EYS: variants seen among roughly 807,000 people sequenced by gnomAD.
EYS encodes EGF-like photoreceptor maintenance factor.
Under a neutral mutation model 282.1 loss-of-function variants are expected in EYS, and 250 were observed. The observed-to-expected ratio is 0.89, with a 90% CI of 0.80 to 0.98. EYS has a LOEUF of 0.98. EYS is among the 50% of genes least tolerant of loss of function. The pLI, the probability that EYS is intolerant of heterozygous loss-of-function variation, is 0.00. For missense variants in EYS, 4,016 were observed against 3,709.0 expected (o/e 1.08, Z -2.15); for synonymous variants, 1,355 against 1,282.9 (o/e 1.06, Z -1.20).
chr6:64,487,042 T>C (rs1271238692), intron 26 of EYS, among the ~76,000 whole-genome samples: 3 of 151,276 alleles, frequency 2.0e-5, no homozygotes, highest in Non-Finnish European at 4.4e-5. Context: ...ACCATCATTA[T>C]AGTACAGGTA....
chr6:64,955,804 T>C (rs2150102561), intron 14 of EYS, among the ~76,000 whole-genome samples: 1 of 152,318 alleles, frequency 6.6e-6, no homozygotes, highest in South Asian at 2.1e-4. Context: ...AAGGCTTTCT[T>C]ATTTTTCCCC....
intron 26 of EYS, among the ~76,000 whole-genome samples, chr6:64,580,447 G>C (rs1438952951): frequency 6.6e-6 from 1 of 152,060 alleles, no homozygotes; most frequent in African/African-American, 2.4e-5. Context: ...CTGATAGACT[G>C]GGCAATAAAG....
intron 36 of EYS, among the ~76,000 whole-genome samples, chr6:63,842,693 C>T (rs1356211452): frequency 6.6e-6 from 1 of 152,110 alleles, no homozygotes; most frequent in East Asian, 1.9e-4. Context: ...ATGCCTATGT[C>T]CTGAATGGTA....
intron 19 of EYS, among the ~76,000 whole-genome samples, chr6:64,844,058 T>A (rs941368151): frequency 6.6e-6 from 1 of 152,048 alleles, no homozygotes; most frequent in Non-Finnish European, 1.5e-5. Context: ...ATGTAAGAGG[T>A]GCCTTTCACC....
At chr6:65,580,595 TG>T (rs1397950443) in intron 2 of EYS, among the ~76,000 whole-genome samples, 1 of 152,088 alleles carries the variant, frequency 6.6e-6, no homozygotes, top group African/African-American at 2.4e-5. Flanking sequence ...TTGCATTCTT[TG>T]AAGCAATTAT....
intron 33 of EYS, among the ~76,000 whole-genome samples, chr6:64,021,611 T>C (rs1336383142): frequency 1.3e-5 from 2 of 152,232 alleles, no homozygotes; most frequent in Non-Finnish European, 2.9e-5. Flanking sequence ...ACATGGTTTT[T>C]CTACAATGGA....
At chr6:65,695,403 A>G (rs1769411461) in intron 1 of EYS, among the ~76,000 whole-genome samples, 2 of 152,108 alleles carry the variant, frequency 1.3e-5, no homozygotes, top group African/African-American at 4.8e-5. Context: ...CAATTCTGTT[A>G]TTAAACTGCA....
In EYS at chr6:65,674,450, CAAAAAAAAAAAA is replaced by C. The variant is rs56958605; in HGVS notation, c.-448+32673_-448+32684del. On this transcript the variant is annotated intron_variant, in intron 1 of 42. Transcript: ENST00000503581. The stretch of plus-strand genomic sequence containing the variant: ...TGAGTGACAGAGCAAGACTCCGTCT[CAAAAAAAAAAAA>C]AAAAAAAAAAAAAAAGCAGCACAAT... Among the ~76,000 whole-genome samples, 20 of 34,770 alleles carry C rather than the reference CAAAAAAAAAAAA, an allele frequency of 5.8e-4. 1 individual carries two copies. The Admixed American group carries it at 8.0e-3, about 14-fold the overall frequency. The allele number at this position is 34,770 out of a possible 152,430, so 22.8% of individuals were successfully genotyped here. A position where few individuals can be genotyped will look rare whatever the true frequency, so the allele number is the denominator to read the frequency against.
intron 22 of EYS, among the ~76,000 whole-genome samples, chr6:64,734,854 G>C (rs755951895): frequency 2.0e-5 from 3 of 152,050 alleles, no homozygotes; most frequent in Non-Finnish European, 4.4e-5. Flanking sequence ...TTGAGTATTT[G>C]TATATAGTGA....
intron 27 of EYS, 116 bp downstream of exon 27, chr6:64,439,046 G>T: frequency 2.2e-6 from 1 of 459,364 alleles, no homozygotes; most frequent in Admixed American, 4.4e-5. Flanking sequence ...AGACATCCTG[G>T]TGGTGAGTAT....
chr6:64,651,515 A>G (rs1268683781), intron 22 of EYS, among the ~76,000 whole-genome samples: 2 of 152,126 alleles, frequency 1.3e-5, no homozygotes, highest in South Asian at 2.1e-4. Flanking sequence ...CAAAAAACAA[A>G]CTTGTAAAAA....
chr6:65,155,049 C>T (rs1764700569), intron 12 of EYS, among the ~76,000 whole-genome samples: 1 of 151,480 alleles, frequency 6.6e-6, no homozygotes, highest in South Asian at 2.1e-4. Context: ...CACAGGCATG[C>T]TACATTTCCC....
chr6:64,271,321 C>G (rs561424354), intron 30 of EYS, among the ~76,000 whole-genome samples: 26 of 152,100 alleles, frequency 1.7e-4, no homozygotes, highest in African/African-American at 5.5e-4. Context: ...ATTGAGTTGT[C>G]CTACACATTT....
At chr6:64,367,518 A>G (rs1772218772) in intron 29 of EYS, among the ~76,000 whole-genome samples, 1 of 152,038 alleles carries the variant, frequency 6.6e-6, no homozygotes, top group African/African-American at 2.4e-5. Flanking sequence ...GATGGAACAC[A>G]GATACCAGAG....
At chr6:64,153,440 A>G (rs1398330319) in intron 31 of EYS, among the ~76,000 whole-genome samples, 1 of 152,206 alleles carries the variant, frequency 6.6e-6, no homozygotes, top group Non-Finnish European at 1.5e-5. Context: ...CTTATTAACT[A>G]AAGAGTCACT....
At chr6:65,056,663 A>G (rs892596447) in intron 13 of EYS, among the ~76,000 whole-genome samples, 1 of 152,102 alleles carries the variant, frequency 6.6e-6, no homozygotes, top group African/African-American at 2.4e-5. Flanking sequence ...TTAAAGATGT[A>G]TGATTAAATA....
chr6:63,850,415 A>G (rs1457601464), intron 36 of EYS, among the ~76,000 whole-genome samples: 2 of 152,220 alleles, frequency 1.3e-5, no homozygotes, highest in Non-Finnish European at 2.9e-5. Flanking sequence ...AAAAATGTTA[A>G]GGGCAGTCAG....
chr6:65,445,245 C>T (rs1223297365), intron 5 of EYS, among the ~76,000 whole-genome samples: 4 of 151,804 alleles, frequency 2.6e-5, no homozygotes, highest in Non-Finnish European at 4.4e-5. Context: ...ACTTTTTGTA[C>T]TAGGTGGAAA....
At chr6:65,306,859 A>AAAAAAAAG (rs1346343044) in intron 11 of EYS, among the ~76,000 whole-genome samples, 35 of 142,442 alleles carry the variant, frequency 2.5e-4, no homozygotes, top group Non-Finnish European at 3.7e-4. Context: ...AAAAAAAAAA[A>AAAAAAAAG]AAAGAAAGTC....
Sources: allele counts gnomAD v4.1 joint callset (sites outside exome capture counted in the v4.1 genomes callset), GRCh38; gene constraint gnomAD v4.1.1; transcripts MANE v1.5; gene names NCBI Gene and HGNC (gene_info 2026-07-23, HGNC 2026-07-21).